ZNF407: variants seen among roughly 807,000 people sequenced by gnomAD.
The protein encoded by ZNF407 is zinc finger protein 407.
A neutral mutation model predicts 131.2 loss-of-function variants in ZNF407; 17 were observed. That is an observed-to-expected ratio of 0.13 (90% confidence interval 0.09 to 0.19). ZNF407 has a LOEUF of 0.19. ZNF407 is among the 10% of genes least tolerant of loss of function. The pLI, the probability that ZNF407 is intolerant of heterozygous loss-of-function variation, is 1.00. For synonymous variants in ZNF407, 1,156 were observed against 1,062.0 expected (o/e 1.09, Z -1.72); for missense variants, 2,681 against 2,830.6 (o/e 0.95, Z 1.20).
In ZNF407 at chr18:74,883,367, T is replaced by TG. The variant is rs544819892; in HGVS notation, c.5128+2249dup. On this transcript the variant is annotated intron_variant, in intron 6 of 8. Transcript: ENST00000299687. ...TTCCCCCAAGGCCAGACTTGTATGG[T>TG]GCATTTGAAATCTATATTTCTCTGA... 3.6e-3 allele frequency among the ~76,000 whole-genome samples: 542 copies of TG among 152,326 alleles called. 3 individuals are homozygous for TG. Among genetic ancestry groups the TG allele is most frequent in the Non-Finnish European group, 5.4e-3 (368 of 68,018 alleles).
intron 3 of ZNF407, among the ~76,000 whole-genome samples, chr18:74,676,913 G>T (rs1289913545): frequency 6.6e-6 from 1 of 152,144 alleles, no homozygotes; most frequent in African/African-American, 2.4e-5. Flanking sequence ...GCACTCGGGA[G>T]CAGAGGCTGA....
intron 4 of ZNF407, among the ~76,000 whole-genome samples, chr18:74,831,223 T>TAGGAGTACA (rs1970478761): frequency 6.6e-6 from 1 of 152,174 alleles, no homozygotes; most frequent in Non-Finnish European, 1.5e-5. Context: ...GTGAACAGCA[T>TAGGAGTACA]GGCAGTAAAC....
intron 4 of ZNF407, 69 bp downstream of exon 4, chr18:74,781,571 C>T: frequency 8.2e-7 from 1 of 1,223,196 alleles, no homozygotes; most frequent in South Asian, 1.6e-5. Context: ...TATTTAATGA[C>T]ATGACTTCTA....
intron 7 of ZNF407, among the ~76,000 whole-genome samples, chr18:74,897,066 A>G (rs961328866): frequency 2.0e-5 from 3 of 152,156 alleles, no homozygotes; most frequent in African/African-American, 7.2e-5. Context: ...CTTGCCCTCT[A>G]ACACACAAGT....
intron 3 of ZNF407, among the ~76,000 whole-genome samples, chr18:74,692,248 G>A (rs546955446): frequency 1.2e-4 from 18 of 152,246 alleles, no homozygotes; most frequent in African/African-American, 3.9e-4. Flanking sequence ...GAGTGGAGCT[G>A]TGTTAAGGTT....
At chr18:74,805,201 G>A (rs1970091244) in intron 4 of ZNF407, among the ~76,000 whole-genome samples, 1 of 151,996 alleles carries the variant, frequency 6.6e-6, no homozygotes, top group Non-Finnish European at 1.5e-5. Flanking sequence ...TTTTACTTGG[G>A]CTTTCATTTC....
intron 1 of ZNF407, among the ~76,000 whole-genome samples, chr18:74,618,335 G>A (rs940443841): frequency 1.3e-5 from 2 of 152,152 alleles, no homozygotes; most frequent in Non-Finnish European, 2.9e-5. Context: ...TCCATGCCGG[G>A]TGTGCTCCTT....
intron 8 of ZNF407, among the ~76,000 whole-genome samples, chr18:74,948,375 C>G (rs1395667246): frequency 6.6e-6 from 1 of 152,166 alleles, no homozygotes; most frequent in African/African-American, 2.4e-5. Flanking sequence ...ACTGCTCCGT[C>G]TATTTGTAAA....
intron 8 of ZNF407, among the ~76,000 whole-genome samples, chr18:74,962,013 A>G (rs1462022927): frequency 6.6e-6 from 1 of 152,252 alleles, no homozygotes; most frequent in South Asian, 2.1e-4. Flanking sequence ...ACTAGTTTTC[A>G]TGGAAGTTTA....
intron 6 of ZNF407, among the ~76,000 whole-genome samples, chr18:74,887,769 C>G (rs1971330292): frequency 6.6e-6 from 1 of 152,068 alleles, no homozygotes; most frequent in South Asian, 2.1e-4. Flanking sequence ...TCACAATCAC[C>G]CTGCATGTTT....
rs1048741357 is a variant in ZNF407, at chr18:74,710,566, A to G, written c.4802+69444A>G. Among the ~76,000 whole-genome samples, 7 of 152,200 alleles carry G rather than the reference A, an allele frequency of 4.6e-5. 1 individual carries two copies. The South Asian group carries it at 8.3e-4, about 18-fold the overall frequency. On this transcript the variant is annotated intron_variant, in intron 3 of 8. Coordinates refer to ENST00000299687, the MANE Select transcript of ZNF407 (RefSeq NM_017757.3). ...TCCCACAGATACTGGAACATTGTCAATACTGTCCTCATGGGTGTTACAGCT... is the reference window on the plus strand; with the variant it reads ...TCCCACAGATACTGGAACATTGTCAGTACTGTCCTCATGGGTGTTACAGCT...
In ZNF407 at chr18:74,633,465, C is replaced by T; in HGVS notation, c.2446C>T (p.Leu816=). 6.2e-7 allele frequency: 1 copy of T among 1,613,926 alleles called. No individual in the cohort carries two copies. The highest frequency in any genetic ancestry group is 8.5e-7 in the Non-Finnish European group (1 of 1,179,864). Reference sequence around the variant, plus strand: ...GCATTCCTATCTTGAGAAGGGCATGCTGGCGTCTGAGGAACTGTCACAGTC... The same window carrying T: ...GCATTCCTATCTTGAGAAGGGCATGTTGGCGTCTGAGGAACTGTCACAGTC... The part of the protein sequence containing the change: ...QEHSYLEKGM[L]ASEELSQSGG... Residue 816 remains leucine, a synonymous_variant, in exon 2 of 9, where the codon CTG becomes TTG. Coordinates refer to ENST00000299687, the MANE Select transcript of ZNF407 (RefSeq NM_017757.3).
chr18:74,847,343 T>C (rs1970716417), intron 4 of ZNF407, among the ~76,000 whole-genome samples: 1 of 152,138 alleles, frequency 6.6e-6, no homozygotes, highest in Non-Finnish European at 1.5e-5. Flanking sequence ...CACTCCATGT[T>C]TTTCTCCCTA....
chr18:74,907,791 G>A (rs1971616348), intron 7 of ZNF407, among the ~76,000 whole-genome samples: 2 of 152,016 alleles, frequency 1.3e-5, no homozygotes, highest in Admixed American at 1.3e-4. Flanking sequence ...AACTTTCAAG[G>A]GTGTGTGTAT....
At chr18:74,792,774 A>G (rs1969849845) in intron 4 of ZNF407, among the ~76,000 whole-genome samples, 1 of 152,086 alleles carries the variant, frequency 6.6e-6, no homozygotes, top group East Asian at 1.9e-4. Flanking sequence ...TTTAGCTGAA[A>G]CGAAAAACAA....
chr18:74,943,576 G>C (rs988286172), intron 8 of ZNF407, among the ~76,000 whole-genome samples: 1 of 152,212 alleles, frequency 6.6e-6, no homozygotes, highest in Non-Finnish European at 1.5e-5. Flanking sequence ...TAAGAGTTTA[G>C]TTTTGAATTT....
intron 8 of ZNF407, among the ~76,000 whole-genome samples, chr18:75,032,441 T>A (rs1375231833): frequency 6.6e-6 from 1 of 152,180 alleles, no homozygotes; most frequent in Non-Finnish European, 1.5e-5. Context: ...TTTGATGTTG[T>A]TATGCTTTTG....
At chr18:74,655,847 G>A (rs1985431685) in intron 3 of ZNF407, among the ~76,000 whole-genome samples, 1 of 152,050 alleles carries the variant, frequency 6.6e-6, no homozygotes, top group Non-Finnish European at 1.5e-5. Flanking sequence ...AAATGAAAAC[G>A]TCGGTTTTGT....
intron 3 of ZNF407, among the ~76,000 whole-genome samples, chr18:74,711,547 G>A (rs1273544816): frequency 6.6e-6 from 1 of 152,198 alleles, no homozygotes; most frequent in Non-Finnish European, 1.5e-5. Flanking sequence ...CCAGAAAGGA[G>A]TGCAGTCTTA....
Sources: gnomAD v4.1 joint callset for allele counts (sites outside exome capture counted in the v4.1 genomes callset) on GRCh38, gnomAD v4.1.1 for gene constraint, MANE v1.5 for transcripts, NCBI Gene and HGNC (gene_info 2026-07-23, HGNC 2026-07-21) for gene names.